Variants in CWF19L2 observed in about 807,000 individuals in gnomAD.
CWF19L2 encodes CWF19-like protein 2.
In CWF19L2, 98 loss-of-function variants were observed where a neutral mutation model predicts 111.7. That is an observed-to-expected ratio of 0.88 (90% CI 0.75 to 1.04). CWF19L2 has a LOEUF of 1.04. Ranked by LOEUF, CWF19L2 falls within the 50% of genes least tolerant of loss-of-function variation. The probability of loss-of-function intolerance (pLI) is 0.00; values close to 1 mark genes in which losing one functional copy is unlikely to be tolerated. For missense variants in CWF19L2, 1,101 were observed against 1,051.4 expected, an observed-to-expected ratio of 1.05 and a Z score of -0.65; for synonymous variants, 351 against 342.9, an observed-to-expected ratio of 1.02 and a Z score of -0.26.
At chr11:107,405,110 G>A (rs571593779) in intron 10 of CWF19L2, among the ~76,000 whole-genome samples, 21 of 152,158 alleles carry the variant, frequency 1.4e-4, no homozygotes, top group Non-Finnish European at 1.0e-4. Context: ...TTAAATGGCT[G>A]GGGGAAATCA....
intron 8 of CWF19L2, among the ~76,000 whole-genome samples, chr11:107,425,179 AACACACACACAC>A (rs138792527): frequency 3.4e-4 from 50 of 144,936 alleles, no homozygotes; most frequent in South Asian, 2.2e-3. Context: ...CTCTCTTTGA[AACACACACACAC>A]ACACACACAC....
chr11:107,442,032 T>C (rs182689942), intron 4 of CWF19L2, among the ~76,000 whole-genome samples: 2 of 152,230 alleles, frequency 1.3e-5, no homozygotes, highest in South Asian at 4.1e-4. Context: ...CTGTTAAGTA[T>C]TGTTAAGAAA....
intron 8 of CWF19L2, among the ~76,000 whole-genome samples, chr11:107,422,946 A>C (rs1861322287): frequency 6.6e-6 from 1 of 151,996 alleles, no homozygotes; most frequent in Non-Finnish European, 1.5e-5. Flanking sequence ...AGAAATCTAA[A>C]ATATTTGAGG....
intron 12 of CWF19L2, among the ~76,000 whole-genome samples, chr11:107,362,180 C>T (rs1269435976): frequency 2.3e-5 from 3 of 132,424 alleles, no homozygotes; most frequent in Admixed American, 7.6e-5. Flanking sequence ...CCTACGCCCA[C>T]GGAGTCTCGC....
At chr11:107,402,327 A>G (rs1861012365) in intron 10 of CWF19L2, among the ~76,000 whole-genome samples, 1 of 152,054 alleles carries the variant, frequency 6.6e-6, no homozygotes, top group Non-Finnish European at 1.5e-5. Context: ...TTCACAACCT[A>G]TACACCTGAC....
intron 16 of CWF19L2, among the ~76,000 whole-genome samples, chr11:107,333,673 G>T (rs1859881965): frequency 6.6e-6 from 1 of 152,172 alleles, no homozygotes. Context: ...AAGAGAAAAT[G>T]ATTGTAGATA....
chr11:107,380,786 A>T (rs945876823), intron 12 of CWF19L2, among the ~76,000 whole-genome samples: 1 of 152,224 alleles, frequency 6.6e-6, no homozygotes, highest in Non-Finnish European at 1.5e-5. Context: ...TAAGAGCATT[A>T]TTCACACAGC....
chr11:107,389,581 T>G (rs1391740503), intron 12 of CWF19L2, among the ~76,000 whole-genome samples: 1 of 152,202 alleles, frequency 6.6e-6, no homozygotes, highest in Non-Finnish European at 1.5e-5. Context: ...AAATTCATCC[T>G]ACCCATAATG....
At chr11:107,358,019 A>G (rs532903354) in intron 12 of CWF19L2, among the ~76,000 whole-genome samples, 1 of 152,328 alleles carries the variant, frequency 6.6e-6, no homozygotes, top group East Asian at 1.9e-4. Context: ...CGCACCATAA[A>G]CACAAACTAA....
intron 14 of CWF19L2, among the ~76,000 whole-genome samples, chr11:107,345,899 T>C (rs1232150963): frequency 6.6e-6 from 1 of 152,154 alleles, no homozygotes; most frequent in Non-Finnish European, 1.5e-5. Flanking sequence ...AGATGCAGAG[T>C]TCCCATGTTA....
At chr11:107,360,012 T>C (rs1016848921) in intron 12 of CWF19L2, among the ~76,000 whole-genome samples, 5 of 152,256 alleles carry the variant, frequency 3.3e-5, no homozygotes, top group Non-Finnish European at 7.3e-5. Context: ...GTTGCATGCA[T>C]AGATTGCATA....
At chr11:107,328,061 G>A (rs1164114876) in intron 17 of CWF19L2, among the ~76,000 whole-genome samples, 1 of 146,110 alleles carries the variant, frequency 6.8e-6, no homozygotes, top group Non-Finnish European at 1.5e-5. Context: ...GTGGTGGGAG[G>A]AATAATAATC....
At chr11:107,447,927 T>A (rs1861722873) in intron 3 of CWF19L2, among the ~76,000 whole-genome samples, 2 of 151,116 alleles carry the variant, frequency 1.3e-5, no homozygotes, top group African/African-American at 2.4e-5. Context: ...GTAAAGATAA[T>A]GAGGAGATAA....
intron 14 of CWF19L2, among the ~76,000 whole-genome samples, chr11:107,337,094 T>A (rs1025167951): frequency 6.6e-6 from 1 of 152,172 alleles, no homozygotes; most frequent in Non-Finnish European, 1.5e-5. Flanking sequence ...CAGATGGGCA[T>A]CCTTAAACTC....
At position 107,415,286 on chromosome 11, in the gene CWF19L2, C is replaced by T. The variant is rs534254947; in HGVS notation, c.1617+923G>A. 6.1e-4 allele frequency among the ~76,000 whole-genome samples: 93 copies of T among 152,304 alleles called. 1 individual carries two copies. The highest frequency in any genetic ancestry group is 2.2e-3 in the African/African-American group (91 of 41,582). ...ATTCACTCTTCCATTAACTACAAGTCCTTACATAAAGTCCTTACACTTTTT... is the reference window on the plus strand; with the variant it reads ...ATTCACTCTTCCATTAACTACAAGTTCTTACATAAAGTCCTTACACTTTTT... On this transcript the variant is annotated intron_variant, in intron 10 of 17. Transcript: ENST00000282251.
At chr11:107,431,684 T>C (rs1194285582) in intron 7 of CWF19L2, among the ~76,000 whole-genome samples, 1 of 152,182 alleles carries the variant, frequency 6.6e-6, no homozygotes, top group Non-Finnish European at 1.5e-5. Context: ...TAGTAGGTGT[T>C]TATTATTTGC....
rs550961173 is a variant in CWF19L2, at chr11:107,373,366, C to T, written c.1872+16708G>A. Among the ~76,000 whole-genome samples, 645 of 134,228 alleles carry T rather than the reference C, an allele frequency of 4.8e-3. 140 individuals are homozygous for T. Among genetic ancestry groups the T allele is most frequent in the African/African-American group, 0.018 (605 of 32,872 alleles). 88.1% of individuals were successfully genotyped at this position (134,228 alleles called of 152,430 possible). A position where few individuals can be genotyped will look rare whatever the true frequency, so the allele number is the denominator to read the frequency against. ...GCAGTAACCTTCGCAGACTTAAATG[C>T]CCCTGTCTGACAGCTTTGAAGACAG... On this transcript the variant is annotated intron_variant, in intron 12 of 17. Transcript: ENST00000282251.
intron 3 of CWF19L2, among the ~76,000 whole-genome samples, chr11:107,445,421 T>C (rs1861687336): frequency 6.6e-6 from 1 of 152,002 alleles, no homozygotes; most frequent in South Asian, 2.1e-4. Context: ...CTGGCCAAGA[T>C]GGTGAAACCC....
chr11:107,361,679 G>C (rs959985690), intron 12 of CWF19L2, among the ~76,000 whole-genome samples: 1 of 152,300 alleles, frequency 6.6e-6, no homozygotes, highest in East Asian at 1.9e-4. Context: ...TTTCCCTGTA[G>C]AGATCTTTCA....
Sources: allele counts gnomAD v4.1 joint callset (sites outside exome capture counted in the v4.1 genomes callset), GRCh38; gene constraint gnomAD v4.1.1; transcripts MANE v1.5; gene names NCBI Gene and HGNC (gene_info 2026-07-23, HGNC 2026-07-21).